The following SLC3A1 variants were observed in gnomAD, a reference collection of about 807,000 sequenced individuals.
SLC3A1 encodes the protein solute carrier family 3 member 1, also known as amino acid transporter heavy chain SLC3A1.
A neutral mutation model predicts 60.3 loss-of-function variants in SLC3A1; 78 were observed. The observed-to-expected ratio is 1.29, with a 90% CI of 1.08 to 1.56. SLC3A1 has a LOEUF of 1.56. Among genes scored for constraint, SLC3A1 ranks in the 40% most tolerant of loss-of-function variants. The pLI is 0.00. For missense variants in SLC3A1, 1,172 were observed against 858.9 expected (o/e 1.36, Z -4.56); for synonymous variants, 392 against 307.9 (o/e 1.27, Z -2.86).
At chr2:44,298,464 C>T (rs1335694336) in intron 4 of SLC3A1, among the ~76,000 whole-genome samples, 6 of 152,088 alleles carry the variant, frequency 3.9e-5, no homozygotes, top group South Asian at 4.1e-4. Flanking sequence ...CTGCAACCTC[C>T]GATTTTTAGG....
At chr2:44,301,327 T>A in intron 6 of SLC3A1, 200 bp downstream of exon 6, 1 of 692,796 alleles carries the variant, frequency 1.4e-6, no homozygotes. Flanking sequence ...AGTTTCCTCT[T>A]TTGTAAAATG....
chr2:44,301,145 C>T lies in SLC3A1; in HGVS notation c.1136+18C>T, dbSNP rs754737669. The T allele has an allele frequency of 6.2e-7, 1 of 1,614,126 alleles. No individual in the cohort carries two copies. The highest frequency in any genetic ancestry group is 8.5e-7 in the Non-Finnish European group (1 of 1,179,974). ...AGATACAGGTTGACCACGGCATATG[C>T]TCTCATTTCTTCCCAGGCTTAGTGT... On this transcript the variant is annotated intron_variant, in intron 6 of 9. Transcript: ENST00000260649.
In SLC3A1 at chr2:44,281,373, C is replaced by A; in HGVS notation, c.611-14C>A. On this transcript the variant is annotated splice_polypyrimidine_tract_variant and intron_variant, in intron 2 of 9. Coordinates refer to ENST00000260649, the MANE Select transcript of SLC3A1 (RefSeq NM_000341.4). ...AATCTTTCCCTAGCATTTGAAATGT[C>A]TTTTACTCATTAGGTTTAAAATTAA... 1.2e-6 allele frequency: 2 copies of A among 1,602,492 alleles called. No homozygotes were observed. Among genetic ancestry groups the A allele is most frequent in the East Asian group, 2.2e-5 (1 of 44,798 alleles).
At chr2:44,308,214 C>G (rs1365060675) in intron 7 of SLC3A1, among the ~76,000 whole-genome samples, 2 of 152,202 alleles carry the variant, frequency 1.3e-5, no homozygotes, top group East Asian at 3.8e-4. Context: ...ATCTATATGT[C>G]TGTCTCTATG....
At chr2:44,303,368 C>T (rs546516749) in intron 6 of SLC3A1, among the ~76,000 whole-genome samples, 4 of 150,056 alleles carry the variant, frequency 2.7e-5, no homozygotes, top group Admixed American at 6.7e-5. Flanking sequence ...CTTGGCCTTC[C>T]GAGTAGCTGG....
chr2:44,280,978 T>C, intron 2 of SLC3A1, 83 bp downstream of exon 2: 1 of 1,176,166 alleles, frequency 8.5e-7, no homozygotes, highest in African/African-American at 1.5e-5. Context: ...GCATTTCTTC[T>C]CCTTAACTGT....
At chr2:44,319,029 A>C (rs1672692699) in intron 9 of SLC3A1, 1 of 152,226 alleles carries the variant, frequency 6.6e-6, no homozygotes, top group Non-Finnish European at 1.5e-5. Flanking sequence ...TGTGAGTGGC[A>C]CTGAAACATG....
Position 44,295,498 on chromosome 2 carries a change from A to G in SLC3A1, c.892-4473A>G, listed in dbSNP as rs377218605. Among the ~76,000 whole-genome samples the G allele has an allele frequency of 1.2e-4, 19 of 152,352 alleles. No homozygotes were observed. The East Asian group carries it at 1.3e-3, about 11-fold the overall frequency. On this transcript the variant is annotated intron_variant, in intron 4 of 9. Coordinates refer to ENST00000260649, the MANE Select transcript of SLC3A1 (RefSeq NM_000341.4). ...TTCCCTCCTGGTTGAGAGAATAAAT[A>G]GCATGAAGCAAATATTTTTCAAGAG...
At chr2:44,310,527 A>G (rs1672268432) in intron 7 of SLC3A1, among the ~76,000 whole-genome samples, 1 of 152,098 alleles carries the variant, frequency 6.6e-6, no homozygotes, top group Non-Finnish European at 1.5e-5. Context: ...GACTCCTTAC[A>G]TGTGATGTAC....
chr2:44,285,632 G>A (rs1422858706), intron 3 of SLC3A1: 3 of 475,682 alleles, frequency 6.3e-6, no homozygotes, highest in Admixed American at 2.4e-5. Flanking sequence ...CTGGGCTCAA[G>A]CTCCAAGATG....
intron 4 of SLC3A1, among the ~76,000 whole-genome samples, chr2:44,294,266 A>C (rs941089426): frequency 6.6e-6 from 1 of 152,082 alleles, no homozygotes; most frequent in African/African-American, 2.4e-5. Context: ...GCACTTTGGG[A>C]GGCTGAGGTG....
chr2:44,279,005 T>TA (rs200975475), intron 1 of SLC3A1, among the ~76,000 whole-genome samples: 67 of 148,510 alleles, frequency 4.5e-4, no homozygotes, highest in African/African-American at 1.4e-3. Flanking sequence ...TATTTATTAT[T>TA]TTTTTTTTTT....
rs1293914632 is a variant in SLC3A1, at chr2:44,312,639, C to T, written c.1386C>T (p.Val462=). The T allele has an allele frequency of 6.2e-7, 1 of 1,613,890 alleles. No homozygotes were observed. ...CTTCGCGTTTGGGGAATCAGTATGT[C>T]AACGTGATGAACATGCTTCTTTTCA... The part of the protein sequence containing the change: ...RLTSRLGNQY[V]NVMNMLLFTL... The change falls in exon 8 of 10, where the codon GTC becomes GTT. Residue 462 remains valine (V), a synonymous_variant. Coordinates refer to ENST00000260649, the MANE Select transcript of SLC3A1 (RefSeq NM_000341.4).
chr2:44,276,183 TG>T (rs551633004), intron 1 of SLC3A1, among the ~76,000 whole-genome samples: 23 of 152,334 alleles, frequency 1.5e-4, no homozygotes, highest in African/African-American at 3.6e-4. Flanking sequence ...TGAAGGCCTT[TG>T]AGCCAAACGA....
chr2:44,312,651 C>A lies in SLC3A1; in HGVS notation c.1398C>A (p.Asn466Lys). ...RLGNQYVNVM[N>K]MLLFTLPGTP... ...GGAATCAGTATGTCAACGTGATGAA[C>A]ATGCTTCTTTTCACACTCCCTGGAA... The change falls in exon 8 of 10, where the codon AAC (asparagine) becomes AAA (lysine). Residue 466 changes from asparagine (N) to lysine (K), a missense_variant. By Grantham distance (94) the Asn-to-Lys change is moderately conservative. Transcript: ENST00000260649. The A allele has an allele frequency of 6.2e-7, 1 of 1,613,864 alleles. No individual in the cohort carries two copies. The highest frequency in any genetic ancestry group is 8.5e-7 in the Non-Finnish European group (1 of 1,179,790).
At chr2:44,306,535 T>A (rs1330053785) in intron 7 of SLC3A1, among the ~76,000 whole-genome samples, 1 of 150,492 alleles carries the variant, frequency 6.6e-6, no homozygotes, top group African/African-American at 2.4e-5. Flanking sequence ...GAGATATAAT[T>A]CACATACCAT....
At position 44,321,002 on chromosome 2, in the gene SLC3A1, A is replaced by T. The variant is rs968138011; in HGVS notation, c.*363A>T. ...GATGACTCACTGCCACAGTGTCTAA[A>T]AGCATTTGCTAGCAAAGAGGCAGGA... On this transcript the variant is annotated 3_prime_UTR_variant, in exon 10 of 10. Coordinates refer to ENST00000260649, the MANE Select transcript of SLC3A1 (RefSeq NM_000341.4). 2.6e-6 allele frequency: 1 copy of T among 386,282 alleles called. No individual in the cohort carries two copies. Among genetic ancestry groups the T allele is most frequent in the East Asian group, 5.7e-5 (1 of 17,516 alleles). 23.9% of individuals were successfully genotyped at this position (386,282 alleles called of 1,614,324 possible).
downstream of SLC3A1, chr2:44,321,942 G>T: frequency 1.3e-6 from 2 of 1,568,156 alleles, no homozygotes; most frequent in Non-Finnish European, 1.7e-6. Context: ...GATTGTATGG[G>T]ATCTTCTTTG....
intron 7 of SLC3A1, among the ~76,000 whole-genome samples, chr2:44,309,191 T>C (rs1672232127): frequency 1.3e-5 from 2 of 152,198 alleles, no homozygotes; most frequent in African/African-American, 4.8e-5. Flanking sequence ...ACAGAAAATC[T>C]GTACCCACTA....
Sources: gnomAD v4.1 joint callset for allele counts (sites outside exome capture counted in the v4.1 genomes callset) on GRCh38, gnomAD v4.1.1 for gene constraint, MANE v1.5 for transcripts, NCBI Gene and HGNC (gene_info 2026-07-23, HGNC 2026-07-21) for gene names.